The following DISC1 variants were observed in gnomAD, a reference collection of about 807,000 sequenced individuals.
The protein encoded by DISC1 is DISC1 scaffold protein.
DISC1 carries 57 observed loss-of-function variants against 84.5 expected under a neutral mutation model. The observed-to-expected ratio is 0.67, with a 90% CI of 0.55 to 0.84. DISC1 has a LOEUF of 0.84. Ranked by LOEUF, DISC1 falls within the 40% of genes least tolerant of loss-of-function variation. The pLI is 0.00. For synonymous variants in DISC1, 411 were observed against 415.2 expected, an observed-to-expected ratio of 0.99 and a Z score of 0.12; for missense variants, 1,000 against 1,057.8, an observed-to-expected ratio of 0.95 and a Z score of 0.76.
intron 3 of DISC1, among the ~76,000 whole-genome samples, chr1:231,739,917 AT>A (rs1426935678): frequency 6.6e-6 from 1 of 152,106 alleles, no homozygotes; most frequent in Non-Finnish European, 1.5e-5. Flanking sequence ...TGCTCCCTAA[AT>A]TCCTGTGTTG....
chr1:231,805,984 C>G (rs1349120445), intron 8 of DISC1, among the ~76,000 whole-genome samples: 4 of 152,306 alleles, frequency 2.6e-5, no homozygotes, highest in African/African-American at 9.6e-5. Flanking sequence ...GCTGGATGAT[C>G]TTGGGCAAGT....
In DISC1 at chr1:231,756,516, C is replaced by CGAGAGA. The variant is rs60818301; in HGVS notation, c.1268+6483_1268+6488dup. ...GGTTCACAAACGTATATGTGAATAT[C>CGAGAGA]GAGAGAGAGAGAGAGAGAGAGAGAG... On this transcript the variant is annotated intron_variant, in intron 4 of 12. Coordinates refer to ENST00000439617, the MANE Select transcript of DISC1 (RefSeq NM_018662.3). Among the ~76,000 whole-genome samples, 1,166 of 133,480 alleles carry CGAGAGA rather than the reference C, an allele frequency of 8.7e-3. 29 individuals carry two copies. Among genetic ancestry groups the CGAGAGA allele is most frequent in the African/African-American group, 0.017 (565 of 33,954 alleles). The allele number at this position is 133,480 out of a possible 152,430, so 87.6% of individuals were successfully genotyped here. A position where few individuals can be genotyped will look rare whatever the true frequency, so the allele number is the denominator to read the frequency against.
At chr1:231,743,338 CAGAGCAGGAAACTGAAGCTT>C (rs2073563968) in intron 3 of DISC1, among the ~76,000 whole-genome samples, 1 of 152,144 alleles carries the variant, frequency 6.6e-6, no homozygotes, top group Non-Finnish European at 1.5e-5. Flanking sequence ...CCATTTTTTA[CAGAGCAGGAAACTGAAGCTT>C]AGAAAGGTTA....
At chr1:231,869,651 TAGAG>T (rs1251557373) in intron 9 of DISC1, among the ~76,000 whole-genome samples, 1 of 151,726 alleles carries the variant, frequency 6.6e-6, no homozygotes, top group Non-Finnish European at 1.5e-5. Flanking sequence ...GGGGAACTAA[TAGAG>T]TGAGAATTCA....
At chr1:231,731,150 G>T (rs550650388) in intron 3 of DISC1, among the ~76,000 whole-genome samples, 1 of 152,170 alleles carries the variant, frequency 6.6e-6, no homozygotes, top group East Asian at 1.9e-4. Flanking sequence ...TTCTGTTGTA[G>T]CCCAGTTTTT....
chr1:231,810,649 G>C (rs886968067), intron 8 of DISC1, among the ~76,000 whole-genome samples: 11 of 152,190 alleles, frequency 7.2e-5, no homozygotes, highest in Non-Finnish European at 1.5e-4. Context: ...AAGGCTTCAG[G>C]TGTGCCCTGA....
chr1:231,633,705 C>T (rs2058939356), intron 1 of DISC1, among the ~76,000 whole-genome samples: 1 of 152,092 alleles, frequency 6.6e-6, no homozygotes, highest in African/African-American at 2.4e-5. Context: ...ACAAATCTAC[C>T]AGGAGTAGAA....
In DISC1 at chr1:231,950,587, C is replaced by T. The variant is rs115620112; in HGVS notation, c.1982-8241C>T. 5.5e-3 allele frequency among the ~76,000 whole-genome samples: 839 copies of T among 152,152 alleles called. 4 individuals carry two copies. The highest frequency in any genetic ancestry group is 0.017 in the African/African-American group (686 of 41,508). Reference sequence around the variant, plus strand: ...CTTTTTACTGACCTGCTTTCCATACCGCAAGCATTTGGTTTTTCTTTTGTC... The same window carrying T: ...CTTTTTACTGACCTGCTTTCCATACTGCAAGCATTTGGTTTTTCTTTTGTC... On this transcript the variant is annotated intron_variant, in intron 9 of 12. Coordinates refer to ENST00000439617, the MANE Select transcript of DISC1 (RefSeq NM_018662.3).
chr1:231,654,776 A>G (rs2060923169), intron 1 of DISC1, among the ~76,000 whole-genome samples: 1 of 152,156 alleles, frequency 6.6e-6, no homozygotes, highest in African/African-American at 2.4e-5. Context: ...TTTTATGCCA[A>G]TAGCAAATCC....
chr1:231,846,953 A>G, intron 9 of DISC1, among the ~76,000 whole-genome samples: 1 of 152,246 alleles, frequency 6.6e-6, no homozygotes, highest in South Asian at 2.1e-4. Flanking sequence ...CATTTATAAG[A>G]ACATGTACCA....
chr1:231,796,824 C>T (rs1185645781), intron 7 of DISC1, among the ~76,000 whole-genome samples: 1 of 152,172 alleles, frequency 6.6e-6, no homozygotes, highest in Non-Finnish European at 1.5e-5. Flanking sequence ...AGGTAATCCT[C>T]CTGCCTCAGC....
In DISC1 at chr1:231,814,937, A is replaced by AAATAATAAT. The variant is rs3083698; in HGVS notation, c.1793-3357_1793-3349dup. 203 of 141,442 alleles carry AAATAATAAT rather than the reference A, an allele frequency of 1.4e-3. 1 individual carries two copies. The highest frequency in any genetic ancestry group is 6.2e-3 in the East Asian group (30 of 4,834). 8.8% of individuals were successfully genotyped at this position (141,442 alleles called of 1,614,324 possible). A position where few individuals can be genotyped will look rare whatever the true frequency, so the allele number is the denominator to read the frequency against. On this transcript the variant is annotated intron_variant, in intron 8 of 12. Coordinates refer to ENST00000439617, the MANE Select transcript of DISC1 (RefSeq NM_018662.3). ...CCTGTTTCAGAGATGTTAAAATGTAAAATAATAATAATAATAATAATAATA... is the reference window on the plus strand; with the variant it reads ...CCTGTTTCAGAGATGTTAAAATGTAAAATAATAATAATAATAATAATAATAATAATAATA...
chr1:231,725,492 C>A (rs1001364303), intron 3 of DISC1, among the ~76,000 whole-genome samples: 5 of 152,146 alleles, frequency 3.3e-5, no homozygotes, highest in African/African-American at 1.2e-4. Context: ...ATAACCCACC[C>A]CTCAATTTGC....
intron 9 of DISC1, among the ~76,000 whole-genome samples, chr1:231,906,460 C>T (rs58366619): frequency 6.6e-6 from 1 of 152,072 alleles, no homozygotes; most frequent in East Asian, 1.9e-4. Flanking sequence ...TTAAAATATC[C>T]CAGGGGGTGC....
chr1:231,709,989 G>A (rs1213829494), intron 3 of DISC1, among the ~76,000 whole-genome samples: 2 of 152,150 alleles, frequency 1.3e-5, no homozygotes, highest in African/African-American at 4.8e-5. Flanking sequence ...GGGATTCCAG[G>A]TAGGTCTTGG....
intron 4 of DISC1, among the ~76,000 whole-genome samples, chr1:231,753,898 C>T (rs1389310544): frequency 1.3e-5 from 2 of 152,206 alleles, no homozygotes; most frequent in Non-Finnish European, 2.9e-5. Flanking sequence ...CAAAGATCCA[C>T]AGATTCCCTA....
intron 10 of DISC1, among the ~76,000 whole-genome samples, chr1:231,966,895 GACAA>G (rs984753080): frequency 2.0e-5 from 3 of 152,060 alleles, no homozygotes; most frequent in African/African-American, 7.2e-5. Flanking sequence ...CATCAGAAAA[GACAA>G]ACAAAAAATC....
At chr1:232,018,959 G>T (rs1044662982) in intron 11 of DISC1, among the ~76,000 whole-genome samples, 1 of 152,322 alleles carries the variant, frequency 6.6e-6, no homozygotes, top group Admixed American at 6.5e-5. Flanking sequence ...TTATACTTGG[G>T]TGAAATGATC....
intron 3 of DISC1, among the ~76,000 whole-genome samples, chr1:231,717,787 G>A (rs1353606602): frequency 1.3e-5 from 2 of 152,218 alleles, no homozygotes; most frequent in African/African-American, 2.4e-5. Flanking sequence ...GTCATAGTGC[G>A]AGAATTGCTT....
Sources: allele counts gnomAD v4.1 joint callset (sites outside exome capture counted in the v4.1 genomes callset), GRCh38; gene constraint gnomAD v4.1.1; transcripts MANE v1.5; gene names NCBI Gene and HGNC (gene_info 2026-07-23, HGNC 2026-07-21).